Variants in FBXO36 observed in about 807,000 individuals in gnomAD.
The protein encoded by FBXO36 is F-box protein 36.
A neutral mutation model predicts 17.0 loss-of-function variants in FBXO36; 18 were observed. The ratio of observed to expected loss-of-function variants is 1.06; its 90% CI spans 0.73 to 1.57. FBXO36 has a LOEUF of 1.57. Among genes scored for constraint, FBXO36 ranks in the 40% most tolerant of loss-of-function variants. The pLI is 0.00. For missense variants in FBXO36, 229 were observed against 221.9 expected, an observed-to-expected ratio of 1.03 and a Z score of -0.20; for synonymous variants, 83 against 85.3, an observed-to-expected ratio of 0.97 and a Z score of 0.15.
rs554083081 is a variant in FBXO36, at chr2:229,979,100, G to T, written c.205+2751G>T. On this transcript the variant is annotated intron_variant, in intron 2 of 3. Transcript: ENST00000283946. ...GCTGAGGATCACTTGAACCTGGGAGGTGGAGGTTGAAGTGAGCAGAGATCG... is the reference window on the plus strand; with the variant it reads ...GCTGAGGATCACTTGAACCTGGGAGTTGGAGGTTGAAGTGAGCAGAGATCG... Among the ~76,000 whole-genome samples the T allele has an allele frequency of 2.0e-5, 3 of 151,588 alleles. No individual in the cohort carries two copies. In the Admixed American group the frequency reaches 2.0e-4, roughly 10 times the overall value.
At chr2:229,974,785 G>A (rs2106193489) in intron 1 of FBXO36, among the ~76,000 whole-genome samples, 1 of 152,254 alleles carries the variant, frequency 6.6e-6, no homozygotes, top group South Asian at 2.1e-4. Flanking sequence ...AGTGCAGAGA[G>A]ATTGCCCAGG....
intron 1 of FBXO36, chr2:229,939,172 G>C: frequency 1.1e-6 from 1 of 925,374 alleles, no homozygotes; most frequent in Non-Finnish European, 1.3e-6. Context: ...TCCTGCTTCA[G>C]CCTCCCAAGT....
At chr2:229,965,507 A>G (rs1325743649) in intron 1 of FBXO36, among the ~76,000 whole-genome samples, 1 of 150,328 alleles carries the variant, frequency 6.7e-6, no homozygotes, top group Non-Finnish European at 1.5e-5. Flanking sequence ...TATATCTCCT[A>G]ATGCTATCCC....
At chr2:229,953,607 G>T (rs2077068863) in intron 1 of FBXO36, among the ~76,000 whole-genome samples, 1 of 151,686 alleles carries the variant, frequency 6.6e-6, no homozygotes, top group Non-Finnish European at 1.5e-5. Flanking sequence ...CTTGAGCCCT[G>T]GCTGCAGTAA....
intron 1 of FBXO36, chr2:229,942,762 C>T (rs773643967): frequency 2.6e-5 from 4 of 152,338 alleles, no homozygotes; most frequent in Middle Eastern, 3.4e-3. Flanking sequence ...GCCTCAAGTT[C>T]CATTTCCTCT....
chr2:229,928,588 T>C (rs140463611), intron 1 of FBXO36, among the ~76,000 whole-genome samples: 14 of 152,298 alleles, frequency 9.2e-5, no homozygotes, highest in African/African-American at 3.1e-4. Flanking sequence ...ACCTCCCTCA[T>C]TGAATATTGA....
intron 1 of FBXO36, among the ~76,000 whole-genome samples, 199 bp downstream of exon 1, chr2:229,922,808 G>A (rs949852917): frequency 2.0e-5 from 3 of 152,194 alleles, no homozygotes; most frequent in Non-Finnish European, 4.4e-5. Flanking sequence ...CCCCGAGCCC[G>A]GCTAGTCCCT....
chr2:229,931,029 G>A (rs1324586731), intron 1 of FBXO36, among the ~76,000 whole-genome samples: 1 of 152,148 alleles, frequency 6.6e-6, no homozygotes, highest in East Asian at 1.9e-4. Flanking sequence ...TGTGTCTTGT[G>A]ACACTCCAGG....
intron 3 of FBXO36, among the ~76,000 whole-genome samples, chr2:230,010,072 A>G (rs1243499690): frequency 6.6e-6 from 1 of 152,166 alleles, no homozygotes; most frequent in Admixed American, 6.5e-5. Context: ...GACCAGCCTG[A>G]CCAACATGGA....
intron 1 of FBXO36, among the ~76,000 whole-genome samples, chr2:229,955,964 GCTTTATTCAT>G: frequency 6.6e-6 from 1 of 152,148 alleles, no homozygotes; most frequent in Non-Finnish European, 1.5e-5. Flanking sequence ...CTTGCATCTT[GCTTTATTCAT>G]CTTTATTCAT....
In FBXO36 at chr2:229,976,699, A is replaced by T. The variant is rs569043852; in HGVS notation, c.205+350A>T. The T allele has an allele frequency of 3.2e-5, 6 of 186,456 alleles. No individual in the cohort carries two copies. In the South Asian group the frequency reaches 7.0e-4, roughly 22 times the overall value. 11.6% of individuals were successfully genotyped at this position (186,456 alleles called of 1,614,324 possible). A position where few individuals can be genotyped will look rare whatever the true frequency, so the allele number is the denominator to read the frequency against. The stretch of plus-strand genomic sequence containing the variant: ...CCGGGCATGTTGGCACATGCCTGTT[A>T]TCCTAGCTACTCAGGAGGCTGAGGC... On this transcript the variant is annotated intron_variant, in intron 2 of 3. Transcript: ENST00000283946.
In FBXO36 at chr2:229,990,231, GATATATCTTATATAT is replaced by G. The variant is rs555325984; in HGVS notation, c.206-6517_206-6503del. Among the ~76,000 whole-genome samples the G allele has an allele frequency of 2.5e-4, 37 of 148,046 alleles. No homozygotes were observed. The South Asian group carries it at 4.0e-3, about 16-fold the overall frequency. On this transcript the variant is annotated intron_variant, in intron 2 of 3. Coordinates refer to ENST00000283946, the MANE Select transcript of FBXO36 (RefSeq NM_174899.5). ...GAGGGTTAAATTATATAATATATAT[GATATATCTTATATAT>G]ATTGTATAATATATATAACACACAC...
chr2:229,994,789 C>A (rs2077316536), intron 2 of FBXO36, among the ~76,000 whole-genome samples: 1 of 152,024 alleles, frequency 6.6e-6, no homozygotes, highest in Non-Finnish European at 1.5e-5. Context: ...ATATGCATAC[C>A]CCACCATCAC....
In FBXO36 at chr2:230,012,009, A is replaced by G. The variant is rs1292608058; in HGVS notation, c.*1125A>G. ...TTAAGTACCCCTAGAAAATGAACTCATAGCAGCAAATAATCTAATGACTCC... is the reference window on the plus strand; with the variant it reads ...TTAAGTACCCCTAGAAAATGAACTCGTAGCAGCAAATAATCTAATGACTCC... On this transcript the variant is annotated 3_prime_UTR_variant, in exon 4 of 4. Coordinates refer to ENST00000283946, the MANE Select transcript of FBXO36 (RefSeq NM_174899.5). The G allele has an allele frequency of 6.6e-6, 1 of 152,208 alleles. No homozygotes were observed. The highest frequency in any genetic ancestry group is 1.5e-5 in the Non-Finnish European group (1 of 68,038). 9.4% of individuals were successfully genotyped at this position (152,208 alleles called of 1,614,324 possible).
chr2:229,987,361 T>C (rs1363218613), intron 2 of FBXO36, among the ~76,000 whole-genome samples: 3 of 152,190 alleles, frequency 2.0e-5, no homozygotes, highest in Admixed American at 2.0e-4. Flanking sequence ...TGAGGATCTG[T>C]AGTGTGTTCT....
intron 1 of FBXO36, among the ~76,000 whole-genome samples, chr2:229,943,744 G>A (rs1447686947): frequency 6.6e-6 from 1 of 152,130 alleles, no homozygotes; most frequent in Non-Finnish European, 1.5e-5. Context: ...AAAACTCCCT[G>A]AAGTGATTAG....
At chr2:229,929,654 C>T (rs956965333) in intron 1 of FBXO36, among the ~76,000 whole-genome samples, 11 of 151,632 alleles carry the variant, frequency 7.3e-5, no homozygotes, top group African/African-American at 1.5e-4. Context: ...AGATGGATCA[C>T]GAGGTCAGGA....
At chr2:230,009,310 A>G (rs1467781062) in intron 3 of FBXO36, among the ~76,000 whole-genome samples, 2 of 152,180 alleles carry the variant, frequency 1.3e-5, no homozygotes, top group Non-Finnish European at 2.9e-5. Context: ...GGGGACAGCA[A>G]TCATGCCTAT....
chr2:230,008,195 T>G (rs1398203815), intron 3 of FBXO36, among the ~76,000 whole-genome samples: 1 of 152,294 alleles, frequency 6.6e-6, no homozygotes, highest in Middle Eastern at 3.4e-3. Context: ...TGTTCTGTTC[T>G]TCGCTCAGCC....
Sources: gnomAD v4.1 joint callset for allele counts (sites outside exome capture counted in the v4.1 genomes callset) on GRCh38, gnomAD v4.1.1 for gene constraint, MANE v1.5 for transcripts, NCBI Gene and HGNC (gene_info 2026-07-23, HGNC 2026-07-21) for gene names.